The following BTK variants were observed in gnomAD, a reference collection of about 807,000 sequenced individuals.
BTK encodes the protein tyrosine-protein kinase BTK.
Under a neutral mutation model 57.4 loss-of-function variants are expected in BTK, and 5 were observed. The observed-to-expected ratio is 0.09, with a 90% CI of 0.05 to 0.18. BTK has a LOEUF of 0.18. Ranked by LOEUF, BTK falls within the 10% of genes least tolerant of loss-of-function variation. The pLI is 1.00. For synonymous variants in BTK, 154 were observed against 174.3 expected, an observed-to-expected ratio of 0.88 and a Z score of 0.92; for missense variants, 194 against 501.2, an observed-to-expected ratio of 0.39 and a Z score of 5.85.
At chrX:101,375,786 T>C (rs3027624) in intron 1 of BTK, among the ~76,000 whole-genome samples, 1,605 of 111,791 alleles carry the variant, frequency 0.014, 33 homozygotes, top group African/African-American at 0.049. Context: ...ACGGTGAATA[T>C]AATTTTTCAA....
intron 1 of BTK, among the ~76,000 whole-genome samples, chrX:101,375,570 G>A (rs1569296567): frequency 2.7e-5 from 3 of 112,316 alleles, no homozygotes; most frequent in African/African-American, 9.7e-5. Flanking sequence ...GCAATGGAAT[G>A]CTCTAGATGT....
At chrX:101,366,128 T>C (rs1461557101) in intron 5 of BTK, among the ~76,000 whole-genome samples, 3 of 111,177 alleles carry the variant, frequency 2.7e-5, no homozygotes, top group Non-Finnish European at 5.7e-5. Context: ...AAAAATTAGC[T>C]GGGCGTGGTG....
chrX:101,361,393 C>T (rs1044166396), intron 7 of BTK, among the ~76,000 whole-genome samples: 3 of 110,041 alleles, frequency 2.7e-5, no homozygotes, highest in East Asian at 5.7e-4. Context: ...TAAACTTGTA[C>T]GTGAATCTAC....
chrX:101,366,607 G>A (rs1926858139), intron 5 of BTK, among the ~76,000 whole-genome samples: 1 of 111,974 alleles, frequency 8.9e-6, no homozygotes, highest in Admixed American at 9.5e-5. Flanking sequence ...CAGCACCTGG[G>A]ACTGTCCTGG....
chrX:101,386,867 T>C (rs1418067120), upstream of BTK, among the ~76,000 whole-genome samples: 1 of 112,177 alleles, frequency 8.9e-6, no homozygotes, highest in Non-Finnish European at 1.9e-5. Context: ...CACCTTTCTC[T>C]TGAGTCCTGT....
intron 1 of BTK, among the ~76,000 whole-genome samples, chrX:101,382,311 T>TTTCA (rs1555981883): frequency 4.8e-5 from 5 of 104,426 alleles, no homozygotes; most frequent in African/African-American, 1.5e-4. Context: ...GCAGTTCATG[T>TTTCA]TTTATTTATT....
chrX:101,351,865 T>G (rs782069566), intron 18 of BTK, among the ~76,000 whole-genome samples: 1 of 111,513 alleles, frequency 9.0e-6, no homozygotes, highest in Non-Finnish European at 1.9e-5. Flanking sequence ...CAGTAGGTTT[T>G]AAAAAAAATC....
chrX:101,357,253 T>C (rs2147428649), intron 13 of BTK, among the ~76,000 whole-genome samples: 1 of 111,660 alleles, frequency 9.0e-6, no homozygotes, highest in African/African-American at 3.2e-5. Context: ...CTGAAAATTT[T>C]CCCACAATTA....
upstream of BTK, among the ~76,000 whole-genome samples, chrX:101,388,711 T>C (rs1555982782): frequency 9.0e-6 from 1 of 111,645 alleles, no homozygotes; most frequent in Non-Finnish European, 1.9e-5. Flanking sequence ...GAAAGTGGAG[T>C]AGCAGTAGCA....
At chrX:101,354,726 G>A (rs993118681) in intron 15 of BTK, 32 bp from the exon 16 acceptor site, 38 of 1,185,196 alleles carry the variant, frequency 3.2e-5, no homozygotes, top group Non-Finnish European at 4.0e-5. Context: ...GTGAGACTCC[G>A]TCCCCAGCAC....
rs1555978188 is a variant in BTK, at chrX:101,358,610, C to T, written c.974+7G>A. On this transcript the variant is annotated splice_region_variant and intron_variant, in intron 11 of 18. Transcript: ENST00000308731. ...TGTCCTCAGGGCCTTGGAATAGTAG[C>T]ACTCACCCTGTGGATTTAGCAAACA... 24 of 1,207,506 alleles carry T rather than the reference C, an allele frequency of 2.0e-5. No individual in the cohort carries two copies. The highest frequency in any genetic ancestry group is 2.5e-5 in the Non-Finnish European group (22 of 891,717).
Position 101,360,667 on chromosome X carries a change from A to G in BTK, c.677T>C (p.Met226Thr). The G allele has an allele frequency of 8.3e-7, 1 of 1,211,481 alleles. No homozygotes were observed. Among genetic ancestry groups the G allele is most frequent in the Non-Finnish European group, 1.1e-6 (1 of 895,396 alleles). The change falls in exon 8 of 19, where the codon ATG (methionine) becomes ACG (threonine). Residue 226 changes from methionine to threonine, a missense_variant. Physicochemically the swap from Met to Thr is moderately conservative, Grantham distance 81. Transcript: ENST00000308731. Reference protein sequence around the residue: ...LKKVVALYDYMPMNANDLQLR... With the variant: ...LKKVVALYDYTPMNANDLQLR... ...CTGTAGATCATTTGCATTCATTGGCATGTAATCATAAAGGGCCACAACCTT... is the reference window on the plus strand; with the variant it reads ...CTGTAGATCATTTGCATTCATTGGCGTGTAATCATAAAGGGCCACAACCTT...
chrX:101,355,940 A>G, intron 15 of BTK, 112 bp downstream of exon 15: 4 of 804,558 alleles, frequency 5.0e-6, no homozygotes, highest in Non-Finnish European at 5.7e-6. Context: ...CTTTCTAGAT[A>G]AAATTGAAAT....
chrX:101,387,543 G>T (rs5991928), upstream of BTK, among the ~76,000 whole-genome samples: 8,722 of 108,600 alleles, frequency 0.08, 914 homozygotes, highest in African/African-American at 0.28. Flanking sequence ...GTAGAGATGG[G>T]GTTTCACTAT....
chrX:101,360,872 C>T (rs1383025646), intron 7 of BTK, 117 bp from the exon 8 acceptor site: 1 of 719,405 alleles, frequency 1.4e-6, no homozygotes, highest in Non-Finnish European at 2.2e-6. Flanking sequence ...AAATATTACT[C>T]AGCAGTCATT....
In BTK at chrX:101,356,232, G is replaced by A. The variant is rs1555977842; in HGVS notation, c.1386C>T (p.Gly462=). 8.3e-6 allele frequency: 10 copies of A among 1,211,431 alleles called. No homozygotes were observed. Among genetic ancestry groups the A allele is most frequent in the Non-Finnish European group, 1.1e-5 (10 of 895,328 alleles). Residue 462 remains glycine (G), a synonymous_variant, in exon 15 of 19, where the codon GGC becomes GGT. Transcript: ENST00000308731. Reference sequence around the variant, plus strand: ...AGATGGGGCGCTGCTTGGTGCAGACGCCATACAACTGCACCAGCTTCTCAT... The same window carrying A: ...AGATGGGGCGCTGCTTGGTGCAGACACCATACAACTGCACCAGCTTCTCAT... ...LSHEKLVQLY[G]VCTKQRPIFI... is the part of the protein sequence containing the mutation.
chrX:101,368,922 G>A (rs782210492), intron 5 of BTK, among the ~76,000 whole-genome samples: 42 of 112,039 alleles, frequency 3.7e-4, no homozygotes, highest in Non-Finnish European at 7.1e-4. Context: ...AAGACAAAGG[G>A]CTGTCATGCA....
At chrX:101,387,347 CTTTTTTTTTTT>C (rs1195584019), upstream of BTK, among the ~76,000 whole-genome samples, 4 of 75,527 alleles carry the variant, frequency 5.3e-5, 1 homozygote, top group African/African-American at 1.1e-4. Context: ...GCCCTGGGAC[CTTTTTTTTTTT>C]TTTTTTTTTT....
intron 5 of BTK, among the ~76,000 whole-genome samples, chrX:101,364,550 A>G (rs1926790111): frequency 9.8e-6 from 1 of 102,181 alleles, no homozygotes; most frequent in Non-Finnish European, 2.0e-5. Context: ...AGGCAAATGA[A>G]CAAAAGTTCT....
Sources: gnomAD v4.1 joint callset for allele counts (sites outside exome capture counted in the v4.1 genomes callset) on GRCh38, gnomAD v4.1.1 for gene constraint, MANE v1.5 for transcripts, NCBI Gene and HGNC (gene_info 2026-07-23, HGNC 2026-07-21) for gene names.